The following GALNTL5 variants were observed in gnomAD, a reference collection of about 807,000 sequenced individuals.
GALNTL5 encodes the protein inactive polypeptide N-acetylgalactosaminyltransferase-like protein 5.
A neutral mutation model predicts 51.0 loss-of-function variants in GALNTL5; 44 were observed. That is an observed-to-expected ratio of 0.86 (90% CI 0.68 to 1.11). GALNTL5 has a LOEUF of 1.11. GALNTL5 is among the 50% of genes least tolerant of loss of function. GALNTL5 has a pLI of 0.00. For missense variants in GALNTL5, 528 were observed against 531.8 expected, an observed-to-expected ratio of 0.99 and a Z score of 0.07; for synonymous variants, 192 against 182.8, an observed-to-expected ratio of 1.05 and a Z score of -0.41.
intron 5 of GALNTL5, among the ~76,000 whole-genome samples, chr7:151,987,949 G>A (rs1423367070): frequency 1.3e-5 from 2 of 152,222 alleles, no homozygotes; most frequent in African/African-American, 4.8e-5. Context: ...ACTGTGCTTG[G>A]TCATTGGGTG....
chr7:151,968,406 G>T (rs2151939519), intron 2 of GALNTL5, among the ~76,000 whole-genome samples: 1 of 152,242 alleles, frequency 6.6e-6, no homozygotes, highest in South Asian at 2.1e-4. Context: ...TAACACACAG[G>T]CCTACTATTT....
intron 1 of GALNTL5, among the ~76,000 whole-genome samples, chr7:151,961,921 C>T (rs1329118878): frequency 2.0e-5 from 3 of 151,884 alleles, no homozygotes; most frequent in Admixed American, 6.6e-5. Flanking sequence ...CAGGTCCCTG[C>T]CCAGTTCCTG....
In GALNTL5 at chr7:151,963,690, G is replaced by T. The variant is rs111811214; in HGVS notation, c.-39-3518G>T. ...TGGGATTACAGGCATGAGCCACTGC[G>T]CCTGGCCATTTATTCTAATTTTTAA... On this transcript the variant is annotated intron_variant, in intron 1 of 8. Transcript: ENST00000392800. Among the ~76,000 whole-genome samples, 432 of 152,272 alleles carry T rather than the reference G, an allele frequency of 2.8e-3. 2 individuals carry two copies. Among genetic ancestry groups the T allele is most frequent in the African/African-American group, 0.01 (417 of 41,538 alleles).
rs187943056 is a variant in GALNTL5, at chr7:152,013,945, G to A, written c.1027-699G>A. 2.2e-3 allele frequency among the ~76,000 whole-genome samples: 335 copies of A among 152,270 alleles called. 1 individual carries two copies. Among genetic ancestry groups the A allele is most frequent in the African/African-American group, 7.8e-3 (324 of 41,550 alleles). On this transcript the variant is annotated intron_variant, in intron 7 of 8. Coordinates refer to ENST00000392800, the MANE Select transcript of GALNTL5 (RefSeq NM_145292.4). Reference sequence around the variant, plus strand: ...AGCTATTAAAAGTGAGCAACATAAGGAGTTTTAGGTATTAAAAAAGATGAA... The same window carrying A: ...AGCTATTAAAAGTGAGCAACATAAGAAGTTTTAGGTATTAAAAAAGATGAA...
Position 152,007,933 on chromosome 7 carries a change from CT to C in GALNTL5, c.1018del (p.Ser340HisfsTer2). ...MDFWGRENLE[L>X]SLRIWMCGGQ... The stretch of plus-strand genomic sequence containing the variant: ...TTTTTGGGGAAGAGAAAATTTGGAA[CT>C]TTCACTAAGGGTAATTCAGATTTCA... On this transcript the variant is annotated frameshift_variant, in exon 7 of 9. Coordinates refer to ENST00000392800, the MANE Select transcript of GALNTL5 (RefSeq NM_145292.4). LOFTEE classifies it high-confidence loss of function. 1 of 1,535,424 alleles carries C rather than the reference CT, an allele frequency of 6.5e-7. No homozygotes were observed. Among genetic ancestry groups the C allele is most frequent in the Non-Finnish European group, 9.0e-7 (1 of 1,109,256 alleles).
chr7:152,000,005 C>T (rs1260719621), intron 5 of GALNTL5, among the ~76,000 whole-genome samples: 1 of 152,274 alleles, frequency 6.6e-6, no homozygotes, highest in African/African-American at 2.4e-5. Context: ...CTGCTCAAAG[C>T]CTGGTGAGAG....
At chr7:151,985,213 G>A (rs1245326627) in intron 4 of GALNTL5, among the ~76,000 whole-genome samples, 1 of 152,136 alleles carries the variant, frequency 6.6e-6, no homozygotes, top group Non-Finnish European at 1.5e-5. Flanking sequence ...GAATTTTGGT[G>A]GGGACACAAA....
At chr7:152,011,479 A>C (rs1043933172) in intron 7 of GALNTL5, among the ~76,000 whole-genome samples, 8 of 152,240 alleles carry the variant, frequency 5.3e-5, no homozygotes, top group Non-Finnish European at 1.2e-4. Context: ...CCATCCTGCC[A>C]TCCCCAGATG....
At chr7:152,000,394 C>T (rs1193351412) in intron 5 of GALNTL5, among the ~76,000 whole-genome samples, 2 of 152,186 alleles carry the variant, frequency 1.3e-5, no homozygotes, top group African/African-American at 2.4e-5. Context: ...GACCAGAGAC[C>T]ACCAGGGATG....
At chr7:151,974,752 T>C (rs1342350884) in intron 3 of GALNTL5, among the ~76,000 whole-genome samples, 1 of 152,244 alleles carries the variant, frequency 6.6e-6, no homozygotes, top group Non-Finnish European at 1.5e-5. Context: ...TATCATCATT[T>C]GTTCTCCCTA....
At chr7:151,992,152 G>GGTTGA (rs2081435912) in intron 5 of GALNTL5, among the ~76,000 whole-genome samples, 1 of 152,124 alleles carries the variant, frequency 6.6e-6, no homozygotes, top group Non-Finnish European at 1.5e-5. Context: ...TTAGTGGTTG[G>GGTTGA]TGGGTAGAGT....
In GALNTL5 at chr7:151,998,434, T is replaced by G. The variant is rs368268754; in HGVS notation, c.659-4280T>G. On this transcript the variant is annotated intron_variant, in intron 5 of 8. Coordinates refer to ENST00000392800, the MANE Select transcript of GALNTL5 (RefSeq NM_145292.4). ...TGGGGAAATGTAACAGGACTAAAAG[T>G]TAATATTTTTAGTATGTAAAATGTA... Among the ~76,000 whole-genome samples the G allele has an allele frequency of 2.6e-4, 40 of 152,222 alleles. 1 individual carries two copies. The highest frequency in any genetic ancestry group is 9.6e-4 in the African/African-American group (40 of 41,538).
chr7:152,006,501 A>G (rs567544168), intron 6 of GALNTL5, among the ~76,000 whole-genome samples: 1 of 152,220 alleles, frequency 6.6e-6, no homozygotes, highest in Non-Finnish European at 1.5e-5. Context: ...CATCTGGTGC[A>G]GTAGGCACCC....
chr7:151,982,250 T>TA (rs1267730270), intron 3 of GALNTL5, among the ~76,000 whole-genome samples: 2 of 151,744 alleles, frequency 1.3e-5, no homozygotes, highest in African/African-American at 4.8e-5. Context: ...CTGTCTCTAC[T>TA]AAAAACATAA....
chr7:151,970,546 G>GGA (rs59753361), intron 2 of GALNTL5: 2,985 of 185,358 alleles, frequency 0.016, 93 homozygotes, highest in African/African-American at 0.066. Flanking sequence ...TTAGCTCATG[G>GGA]GAAAGCTGGT....
At chr7:151,991,062 G>A (rs920513528) in intron 5 of GALNTL5, among the ~76,000 whole-genome samples, 1 of 151,796 alleles carries the variant, frequency 6.6e-6, no homozygotes. Flanking sequence ...CTTACCCTGC[G>A]ATCATGATGA....
At chr7:152,009,887 C>A (rs2081706724) in intron 7 of GALNTL5, among the ~76,000 whole-genome samples, 1 of 152,152 alleles carries the variant, frequency 6.6e-6, no homozygotes, top group Non-Finnish European at 1.5e-5. Flanking sequence ...ACGATAATAT[C>A]CAACTCTATA....
At chr7:151,967,605 A>T (rs925850310) in intron 2 of GALNTL5, 112 bp downstream of exon 2, 5 of 829,770 alleles carry the variant, frequency 6.0e-6, no homozygotes, top group African/African-American at 5.2e-5. Flanking sequence ...ACTTTTTAAG[A>T]TATAAATTAT....
At chr7:152,016,350 G>C (rs1255037508) in intron 8 of GALNTL5, among the ~76,000 whole-genome samples, 6 of 151,526 alleles carry the variant, frequency 4.0e-5, no homozygotes, top group Non-Finnish European at 7.4e-5. Flanking sequence ...GTTGCAGTGA[G>C]TCAAGATTGT....
Sources: gnomAD v4.1 joint callset for allele counts (sites outside exome capture counted in the v4.1 genomes callset) on GRCh38, gnomAD v4.1.1 for gene constraint, MANE v1.5 for transcripts, NCBI Gene and HGNC (gene_info 2026-07-23, HGNC 2026-07-21) for gene names.